The following LRP2BP variants were observed in gnomAD, a reference collection of about 807,000 sequenced individuals.
LRP2BP encodes LRP2 binding protein, also known as LRP2-binding protein.
Under a neutral mutation model 45.2 loss-of-function variants are expected in LRP2BP, and 38 were observed. The ratio of observed to expected loss-of-function variants is 0.84; its 90% confidence interval spans 0.65 to 1.10. LRP2BP has a LOEUF of 1.10. LRP2BP is among the 50% of genes least tolerant of loss of function. The pLI, the probability that LRP2BP is intolerant of heterozygous loss-of-function variation, is 0.00. For synonymous variants in LRP2BP, 153 were observed against 153.9 expected (o/e 0.99, Z 0.04); for missense variants, 385 against 418.9 (o/e 0.92, Z 0.71).
chr4:185,392,541 A>G (rs2095490873), intron 1 of LRP2BP, among the ~76,000 whole-genome samples: 1 of 152,100 alleles, frequency 6.6e-6, no homozygotes, highest in African/African-American at 2.4e-5. Flanking sequence ...TGACAGTGGC[A>G]TTGCAATGAA....
At position 185,373,756 on chromosome 4, in the gene LRP2BP, A is replaced by G. The variant is rs559252283; in HGVS notation, c.579+379T>C. The stretch of plus-strand genomic sequence containing the variant: ...GATGAAAGAGATTATATTTCTGTGA[A>G]AATCTTAGATGGATTTTATTTGTAA... On this transcript the variant is annotated intron_variant, in intron 6 of 8. Coordinates refer to ENST00000505916, the MANE Select transcript of LRP2BP (RefSeq NM_001377440.1). 1.2e-4 allele frequency among the ~76,000 whole-genome samples: 18 copies of G among 152,354 alleles called. No homozygotes were observed. The East Asian group carries it at 3.1e-3, about 26-fold the overall frequency.
In LRP2BP at chr4:185,395,085, T is replaced by TA; in HGVS notation, c.-329dup. The TA allele has an allele frequency of 2.2e-6, 2 of 905,644 alleles. No homozygotes were observed. The highest frequency in any genetic ancestry group is 2.5e-6 in the Non-Finnish European group (2 of 788,720). 56.1% of individuals were successfully genotyped at this position (905,644 alleles called of 1,614,324 possible). A position where few individuals can be genotyped will look rare whatever the true frequency, so the allele number is the denominator to read the frequency against. ...AGTCAAGTCAGATATCCAGCTGAGA[T>TA]ACAACTTTTTTTTCTGAAAACAATG... On this transcript the variant is annotated 5_prime_UTR_variant, in exon 1 of 9. Coordinates refer to ENST00000505916, the MANE Select transcript of LRP2BP (RefSeq NM_001377440.1).
rs558603504 is a variant in LRP2BP, at chr4:185,375,998, A to G, written c.217-272T>C. Among the ~76,000 whole-genome samples the G allele has an allele frequency of 3.3e-5, 5 of 152,300 alleles. No homozygotes were observed. The South Asian group carries it at 6.2e-4, about 19-fold the overall frequency. ...CGAAAAGTGAGAGAGTAAGTGGGAT[A>G]TAGGTGAACAGCTGCCCAAATAGTC... On this transcript the variant is annotated intron_variant, in intron 3 of 8. Coordinates refer to ENST00000505916, the MANE Select transcript of LRP2BP (RefSeq NM_001377440.1).
intron 1 of LRP2BP, among the ~76,000 whole-genome samples, chr4:185,391,951 A>G (rs1246127672): frequency 6.6e-6 from 1 of 152,190 alleles, no homozygotes; most frequent in Non-Finnish European, 1.5e-5. Context: ...ATCCATCTGA[A>G]TCTATATTAA....
chr4:185,387,904 G>T (rs887253389), intron 1 of LRP2BP, among the ~76,000 whole-genome samples: 1 of 152,184 alleles, frequency 6.6e-6, no homozygotes, highest in Non-Finnish European at 1.5e-5. Flanking sequence ...TGGAATGAAG[G>T]CCTCTGGATA....
chr4:185,389,113 T>G (rs989029885), intron 1 of LRP2BP, among the ~76,000 whole-genome samples: 3 of 152,086 alleles, frequency 2.0e-5, no homozygotes, highest in Non-Finnish European at 4.4e-5. Context: ...CTCCTGACCT[T>G]GTGATCCACC....
intron 1 of LRP2BP, among the ~76,000 whole-genome samples, chr4:185,380,930 C>G (rs1449004219): frequency 1.3e-5 from 2 of 151,958 alleles, no homozygotes; most frequent in Non-Finnish European, 2.9e-5. Flanking sequence ...GCCATTAAAG[C>G]AATCCATTTA....
intron 8 of LRP2BP, 116 bp from the exon 9 acceptor site, chr4:185,367,361 A>C: frequency 2.3e-6 from 2 of 884,816 alleles, no homozygotes. Context: ...AGTGAATTTC[A>C]AGAAAATTTG....
Position 185,394,790 on chromosome 4 carries a change from CG to C in LRP2BP, c.-34del. On this transcript the variant is annotated 5_prime_UTR_variant, in exon 1 of 9. An upstream open reading frame in the 5' UTR loses its in-frame stop. Transcript: ENST00000505916. ...ATTCGGTCACTTACTCATCATCCAA[CG>C]TTTTTTTTAACACTCGCTGTAAATG... The C allele has an allele frequency of 4.1e-6, 4 of 985,406 alleles. No homozygotes were observed. Among genetic ancestry groups the C allele is most frequent in the African/African-American group, 1.7e-5 (1 of 57,352 alleles). 61.0% of individuals were successfully genotyped at this position (985,406 alleles called of 1,614,324 possible). A position where few individuals can be genotyped will look rare whatever the true frequency, so the allele number is the denominator to read the frequency against.
chr4:185,376,443 C>CTTTTTTTTTTTTTT (rs34024562), intron 3 of LRP2BP, among the ~76,000 whole-genome samples: 6 of 105,824 alleles, frequency 5.7e-5, no homozygotes, highest in Non-Finnish European at 9.2e-5. Context: ...TGCCCAGCTA[C>CTTTTTTTTTTTTTT]TTTTTTTTTT....
In LRP2BP at chr4:185,367,162, G is replaced by A. The variant is rs1222623401; in HGVS notation, c.*18C>T. On this transcript the variant is annotated 3_prime_UTR_variant, in exon 9 of 9. Transcript: ENST00000505916. ...TGAGGTGTTAGCATTGATGATCTTT[G>A]TTGAAATACATTGTGGTCTAAATTC... is the stretch of plus-strand genomic sequence containing the variant. The A allele has an allele frequency of 1.2e-6, 2 of 1,601,834 alleles. No homozygotes were observed. The highest frequency in any genetic ancestry group is 1.3e-5 in the African/African-American group (1 of 74,586).
chr4:185,368,926 TG>T, intron 8 of LRP2BP, among the ~76,000 whole-genome samples: 1 of 151,616 alleles, frequency 6.6e-6, no homozygotes, highest in Non-Finnish European at 1.5e-5. Context: ...CCCGAGTAGC[TG>T]GGACTATGGA....
Position 185,374,260 on chromosome 4 carries a change from A to T in LRP2BP, c.474-20T>A, listed in dbSNP as rs1005846037. 1 of 1,614,100 alleles carries T rather than the reference A, an allele frequency of 6.2e-7. No homozygotes were observed. Among genetic ancestry groups the T allele is most frequent in the Admixed American group, 1.7e-5 (1 of 60,018 alleles). ...CACAGTCTACAAGAGAAAGTGAGGC[A>T]TGTTATTCTCGGTTTCAGCATTTCC... is the stretch of plus-strand genomic sequence containing the variant. On this transcript the variant is annotated intron_variant, in intron 5 of 8. Coordinates refer to ENST00000505916, the MANE Select transcript of LRP2BP (RefSeq NM_001377440.1).
chr4:185,395,023 G>A lies in LRP2BP; in HGVS notation c.-266C>T, dbSNP rs1561098393. Reference sequence around the variant, plus strand: ...CTTATCCTGTTTTTGTGCATTATAAGCTTTGTTCAGTTTATAGTTTCTAGG... The same window carrying A: ...CTTATCCTGTTTTTGTGCATTATAAACTTTGTTCAGTTTATAGTTTCTAGG... On this transcript the variant is annotated 5_prime_UTR_variant, in exon 1 of 9. Coordinates refer to ENST00000505916, the MANE Select transcript of LRP2BP (RefSeq NM_001377440.1). 1.0e-6 allele frequency: 1 copy of A among 985,278 alleles called. No individual in the cohort carries two copies. Among genetic ancestry groups the A allele is most frequent in the South Asian group, 4.7e-5 (1 of 21,290 alleles). 61.0% of individuals were successfully genotyped at this position (985,278 alleles called of 1,614,324 possible). A position where few individuals can be genotyped will look rare whatever the true frequency, so the allele number is the denominator to read the frequency against.
At chr4:185,368,060 G>C (rs2095396881) in intron 8 of LRP2BP, among the ~76,000 whole-genome samples, 1 of 152,024 alleles carries the variant, frequency 6.6e-6, no homozygotes, top group South Asian at 2.1e-4. Flanking sequence ...CGCCTGTGGT[G>C]CCAGCTACTC....
At chr4:185,368,159 C>A (rs1579962954) in intron 8 of LRP2BP, among the ~76,000 whole-genome samples, 2 of 152,190 alleles carry the variant, frequency 1.3e-5, no homozygotes, top group African/African-American at 4.8e-5. Context: ...GCCTGGGCAA[C>A]AGAGCCAGAC....
Position 185,377,007 on chromosome 4 carries a change from C to T in LRP2BP, c.118G>A (p.Ala40Thr). 2 of 1,610,044 alleles carry T rather than the reference C, an allele frequency of 1.2e-6. No homozygotes were observed. The highest frequency in any genetic ancestry group is 1.7e-5 in the Admixed American group (1 of 60,026). Residue 40 changes from alanine (A) to threonine (T), a missense_variant, in exon 3 of 9, where the codon GCT (alanine) becomes ACT (threonine). Coordinates refer to ENST00000505916, the MANE Select transcript of LRP2BP (RefSeq NM_001377440.1). ...TGCAATGCCTTATCCACCAAATTAGCATGGGTGTAATCTGATTTTAAAAAG... is the reference window on the plus strand; with the variant it reads ...TGCAATGCCTTATCCACCAAATTAGTATGGGTGTAATCTGATTTTAAAAAG... ...WKKEKTDYTHANLVDKALQLL... is the reference protein window; with the variant it reads ...WKKEKTDYTHTNLVDKALQLL...
intron 7 of LRP2BP, among the ~76,000 whole-genome samples, chr4:185,371,505 G>A (rs1561076211): frequency 1.4e-5 from 2 of 138,038 alleles, no homozygotes; most frequent in African/African-American, 5.5e-5. Context: ...TCGCACCACT[G>A]CACTCCAGCC....
intron 6 of LRP2BP, 63 bp from the exon 7 acceptor site, chr4:185,373,142 C>T (rs1333926789): frequency 1.5e-5 from 22 of 1,436,660 alleles, no homozygotes; most frequent in Non-Finnish European, 2.1e-5. Context: ...TAAGGGAATA[C>T]TAGACAGAAA....
Sources: allele counts gnomAD v4.1 joint callset (sites outside exome capture counted in the v4.1 genomes callset), GRCh38; gene constraint gnomAD v4.1.1; transcripts MANE v1.5; gene names NCBI Gene and HGNC (gene_info 2026-07-23, HGNC 2026-07-21).